The following ATIC variants were observed in gnomAD, a reference collection of about 807,000 sequenced individuals.
The protein encoded by ATIC is bifunctional purine biosynthesis protein ATIC.
ATIC carries 64 observed loss-of-function variants against 72.5 expected under a neutral mutation model. That is an observed-to-expected ratio of 0.88 (90% CI 0.72 to 1.09). The LOEUF (loss-of-function observed/expected upper bound fraction) is 1.09. ATIC is among the 50% of genes least tolerant of loss of function. The pLI, the probability that ATIC is intolerant of heterozygous loss-of-function variation, is 0.00. For missense variants in ATIC, 787 were observed against 732.4 expected (o/e 1.07, Z -0.86); for synonymous variants, 281 against 267.1 (o/e 1.05, Z -0.51).
At chr2:215,333,589 T>C in intron 9 of ATIC, 132 bp downstream of exon 9, 1 of 593,308 alleles carries the variant, frequency 1.7e-6, no homozygotes, top group Non-Finnish European at 2.8e-6. Context: ...AATTAAGGAC[T>C]TCTATCTCTA....
downstream of ATIC, among the ~76,000 whole-genome samples, chr2:215,350,193 G>A (rs931407230): frequency 6.6e-6 from 1 of 152,162 alleles, no homozygotes; most frequent in Non-Finnish European, 1.5e-5. Flanking sequence ...GCTAGAGTCC[G>A]TGGCACCGTC....
intron 9 of ATIC, among the ~76,000 whole-genome samples, chr2:215,333,973 T>C (rs77511877): frequency 0.22 from 33,132 of 150,266 alleles, 3,841 homozygotes; most frequent in East Asian, 0.5. Context: ...ACCCGGCAGG[T>C]GGAACTTGCA....
chr2:215,353,460 T>C (rs2053145441), downstream of ATIC, among the ~76,000 whole-genome samples: 1 of 152,232 alleles, frequency 6.6e-6, no homozygotes, highest in African/African-American at 2.4e-5. Context: ...ACTTCATCTA[T>C]CTATTGCAGT....
chr2:215,358,289 A>T, the ATIC span, among the ~76,000 whole-genome samples: 1 of 152,234 alleles, frequency 6.6e-6, no homozygotes, highest in Non-Finnish European at 1.5e-5. Context: ...TTAAAGTCTG[A>T]TTAACATTTA....
chr2:215,326,645 G>C (rs1319822050), intron 6 of ATIC, among the ~76,000 whole-genome samples, 177 bp from the exon 7 acceptor site: 1 of 151,888 alleles, frequency 6.6e-6, no homozygotes, highest in African/African-American at 2.4e-5. Flanking sequence ...GAATTGGAAA[G>C]GGGTAATTTG....
the ATIC span, chr2:215,361,515 G>A: frequency 7.3e-7 from 1 of 1,366,556 alleles, no homozygotes; most frequent in Admixed American, 1.7e-5. Flanking sequence ...ATGGATCTTG[G>A]CAGAGAGACA....
intron 12 of ATIC, among the ~76,000 whole-genome samples, chr2:215,341,826 A>C (rs1471937046): frequency 6.6e-6 from 1 of 152,100 alleles, no homozygotes; most frequent in Non-Finnish European, 1.5e-5. Context: ...CAAGTGTATT[A>C]GTTTTTATCA....
intron 2 of ATIC, among the ~76,000 whole-genome samples, chr2:215,316,234 T>C (rs951267350): frequency 2.6e-5 from 4 of 152,188 alleles, no homozygotes; most frequent in African/African-American, 9.7e-5. Flanking sequence ...AAGTTTTAAG[T>C]GACTGTCTTC....
At chr2:215,331,370 T>G (rs1293074372) in intron 7 of ATIC, among the ~76,000 whole-genome samples, 1 of 142,228 alleles carries the variant, frequency 7.0e-6, no homozygotes, top group African/African-American at 2.5e-5. Context: ...TTACACATTT[T>G]TGTTTTTTGG....
intron 11 of ATIC, among the ~76,000 whole-genome samples, chr2:215,337,607 T>A (rs1428733250): frequency 6.6e-6 from 1 of 152,216 alleles, no homozygotes; most frequent in Admixed American, 6.5e-5. Flanking sequence ...CCTCAAGGGA[T>A]CTGCCCGCCT....
chr2:215,318,196 G>A lies in ATIC; in HGVS notation c.186G>A (p.Gly62=), dbSNP rs777126703. 2.5e-6 allele frequency: 4 copies of A among 1,613,970 alleles called. No homozygotes were observed. The highest frequency in any genetic ancestry group is 3.3e-5 in the Admixed American group (2 of 59,996). Reference sequence around the variant, plus strand: ...TGACGGGATTTCCTGAAATGTTGGGGGGACGTGTGAAAACTTTGCATCCTG... The same window carrying A: ...TGACGGGATTTCCTGAAATGTTGGGAGGACGTGTGAAAACTTTGCATCCTG... ...SELTGFPEML[G]GRVKTLHPAV... The change falls in exon 3 of 16, where the codon GGG becomes GGA. Residue 62 remains glycine, a synonymous_variant. Transcript: ENST00000236959.
chr2:215,350,548 T>A (rs1464872300), downstream of ATIC, among the ~76,000 whole-genome samples: 1 of 152,224 alleles, frequency 6.6e-6, no homozygotes, highest in Non-Finnish European at 1.5e-5. Context: ...TTAAGTCTTG[T>A]TGACCCCCTC....
At chr2:215,334,766 T>G (rs2052936969) in intron 9 of ATIC, among the ~76,000 whole-genome samples, 153 bp from the exon 10 acceptor site, 1 of 152,334 alleles carries the variant, frequency 6.6e-6, no homozygotes, top group African/African-American at 2.4e-5. Context: ...TACTGGTTAC[T>G]TCAGTTAAAT....
chr2:215,352,650 A>C (rs571093504), downstream of ATIC, among the ~76,000 whole-genome samples: 53 of 152,306 alleles, frequency 3.5e-4, no homozygotes, highest in African/African-American at 1.3e-3. Context: ...ACCACATTCA[A>C]GTATCATACT....
At chr2:215,317,409 C>T (rs542173442) in intron 2 of ATIC, among the ~76,000 whole-genome samples, 2 of 152,174 alleles carry the variant, frequency 1.3e-5, no homozygotes, top group South Asian at 4.1e-4. Context: ...TGGGTTTAAC[C>T]CGTTATTCCA....
At chr2:215,334,844 A>G in intron 9 of ATIC, 75 bp from the exon 10 acceptor site, 1 of 1,177,330 alleles carries the variant, frequency 8.5e-7, no homozygotes, top group Non-Finnish European at 1.3e-6. Flanking sequence ...ATTTTATATG[A>G]CAGTGGAGAA....
intron 12 of ATIC, among the ~76,000 whole-genome samples, chr2:215,341,070 G>A (rs1231594225): frequency 6.6e-6 from 1 of 152,144 alleles, no homozygotes; most frequent in Non-Finnish European, 1.5e-5. Flanking sequence ...TAGAATTGCT[G>A]GAAATAAGCC....
chr2:215,332,145 TGTG>T (rs1398778012), intron 7 of ATIC, among the ~76,000 whole-genome samples: 1 of 87,866 alleles, frequency 1.1e-5, no homozygotes, highest in African/African-American at 3.0e-5. Flanking sequence ...TGTGTGTGTG[TGTG>T]TGTGTGTGTG....
intron 4 of ATIC, among the ~76,000 whole-genome samples, chr2:215,321,551 C>T (rs1001860681): frequency 3.9e-5 from 6 of 152,152 alleles, no homozygotes; most frequent in East Asian, 3.9e-4. Flanking sequence ...TGAGGAACTG[C>T]GACCCTGTAT....
Sources: allele counts gnomAD v4.1 joint callset (sites outside exome capture counted in the v4.1 genomes callset), GRCh38; gene constraint gnomAD v4.1.1; transcripts MANE v1.5; gene names NCBI Gene and HGNC (gene_info 2026-07-23, HGNC 2026-07-21).